The following HELZ2 variants were observed in gnomAD, a reference collection of about 807,000 sequenced individuals.
HELZ2 encodes 3'-5' exoribonuclease HELZ2.
In HELZ2, 143 loss-of-function variants were observed where a neutral mutation model predicts 208.8. That is an observed-to-expected ratio of 0.68 (90% CI 0.60 to 0.79). HELZ2 has a LOEUF of 0.79. Ranked by LOEUF, HELZ2 falls within the 30% of genes least tolerant of loss-of-function variation. HELZ2 has a pLI of 0.00. For missense variants in HELZ2, 3,690 were observed against 3,794.5 expected (o/e 0.97, Z 0.72); for synonymous variants, 1,705 against 1,693.7 (o/e 1.01, Z -0.16).
exon 11 of HELZ2, chr20:63,561,886 G>A (rs571265424): frequency 3.3e-5 from 52 of 1,575,566 alleles, no homozygotes; most frequent in South Asian, 1.9e-4. Flanking sequence ...CCCCCCAGCC[G>A]CTTCTCCCCA....
Position 63,570,529 on chromosome 20 carries a change from C to T in HELZ2, c.545G>A (p.Ser182Asn), listed in dbSNP as rs138005803. Residue 182 changes from serine (S) to asparagine (N), a missense_variant, in exon 3 of 19, where the codon AGC (serine) becomes AAC (asparagine). Physicochemically the swap from Ser to Asn is conservative, Grantham distance 46. Transcript: ENST00000467148. The stretch of plus-strand genomic sequence containing the variant: ...CTCAGAGTGGACGGCAAACGTCCAG[C>T]TGTACTGGGTCTTCCTCTCCTGGGC... The T allele has an allele frequency of 7.0e-5, 113 of 1,613,372 alleles. 1 individual carries two copies. In the African/African-American group the frequency reaches 1.1e-3, roughly 16 times the overall value.
At chr20:63,571,196 G>A in intron 1 of HELZ2, 1 of 311,530 alleles carries the variant, frequency 3.2e-6, no homozygotes, top group Non-Finnish European at 5.9e-6. Context: ...TCTGCCTACG[G>A]TGGGCTCCTG....
exon 8 of HELZ2, chr20:63,566,145 T>C: frequency 6.4e-7 from 1 of 1,564,920 alleles, no homozygotes; most frequent in Non-Finnish European, 8.6e-7. Context: ...CGGGCGTCGG[T>C]GAAGAACTCA....
intron 6 of HELZ2, 87 bp downstream of exon 7, chr20:63,566,757 G>T: frequency 7.7e-7 from 1 of 1,293,072 alleles, no homozygotes; most frequent in Non-Finnish European, 1.1e-6. Flanking sequence ...TGGGGAAACT[G>T]AGGCGGGGGC....
chr20:63,567,031 C>T lies in HELZ2; in HGVS notation c.2327G>A (p.Arg776Gln), dbSNP rs916922122. Residue 776 changes from arginine to glutamine, a missense_variant, in exon 6 of 19, where the codon CGG becomes CAG. By Grantham distance (43) the Arg-to-Gln change is conservative. Around this residue, in one of 3 missense-constraint regions of HELZ2, gnomAD observed 1,119 missense variants for 1,193.4 expected, o/e 0.94. Coordinates refer to ENST00000467148, the Ensembl canonical transcript of HELZ2. ...GTGGCAGAACATGAGCGGGTAGTGC[C>T]GGGGGTGGGGCGGAACCTTGCCCCT... The T allele has an allele frequency of 2.0e-5, 32 of 1,611,104 alleles. No homozygotes were observed. The highest frequency in any genetic ancestry group is 2.5e-5 in the Non-Finnish European group (30 of 1,179,378).
At chr20:63,563,065 G>C in exon 8 of HELZ2, 1 of 1,598,844 alleles carries the variant, frequency 6.3e-7, no homozygotes, top group East Asian at 2.3e-5. Flanking sequence ...AGCAGTCTCC[G>C]GGCCGCTCCA....
exon 4 of HELZ2, chr20:63,569,404 C>T (rs1357497393): frequency 6.2e-7 from 1 of 1,609,496 alleles, no homozygotes; most frequent in Non-Finnish European, 8.5e-7. Flanking sequence ...CTGCAGGGTC[C>T]TGGGCGACGC....
chr20:63,568,641 G>A lies in HELZ2; in HGVS notation c.1447C>T (p.Gln483Ter), dbSNP rs1307797557. 2 of 1,604,050 alleles carry A rather than the reference G, an allele frequency of 1.2e-6. No individual in the cohort carries two copies. The highest frequency in any genetic ancestry group is 1.7e-6 in the Non-Finnish European group (2 of 1,178,704). ...TCCTCAGGCAGTGTGTCCACTGCCT[G>A]GTGCCAGAGGCGGAAGGTCATCGGG... The change falls in exon 5 of 19, where the codon CAG becomes TAG. Residue 483 changes from glutamine (Q) to a stop codon, truncating the protein, a stop_gained. Transcript: ENST00000467148. LOFTEE classifies it high-confidence loss of function.
chr20:63,562,240 G>T (rs960041025), intron 9 of HELZ2, 37 bp from the exon 11 acceptor site: 11 of 1,606,286 alleles, frequency 6.8e-6, no homozygotes, highest in Non-Finnish European at 9.4e-6. Flanking sequence ...CTCATGCAGG[G>T]TGGGGCTGGG....
intron 6 of HELZ2, 106 bp from the exon 8 acceptor site, chr20:63,566,559 G>C (rs4552243): frequency 4.7e-6 from 1 of 211,438 alleles, no homozygotes; most frequent in Non-Finnish European, 7.7e-6. Context: ...AGCGCAGGAC[G>C]CAGTGAGGAC....
rs200878380 is a variant in HELZ2 at position 63,562,049 on chromosome 20, G to A, written c.6529+23C>T. ...GTCCCTGTGGCCCAAGGCAGCCTGC[G>A]GCTCCCCCGGCATGGGCCCTACCTG... is the stretch of plus-strand genomic sequence containing the variant. On this transcript the variant is annotated intron_variant, in intron 10 of 18. Transcript: ENST00000467148. The A allele has an allele frequency of 2.2e-3, 3,516 of 1,602,670 alleles. 13 individuals are homozygous for A. The highest frequency in any genetic ancestry group is 3.3e-3 in the Middle Eastern group (20 of 6,022).
chr20:63,560,429 G>A, intron 16 of HELZ2, 50 bp downstream of exon 17: 1 of 1,596,866 alleles, frequency 6.3e-7, no homozygotes, highest in Non-Finnish European at 8.5e-7. Flanking sequence ...CACCACCTCA[G>A]CCACCTCCTC....
chr20:63,559,389 G>A lies in HELZ2; in HGVS notation c.7826-19C>T, dbSNP rs1476722795. 1 of 1,582,478 alleles carries A rather than the reference G, an allele frequency of 6.3e-7. No homozygotes were observed. The highest frequency in any genetic ancestry group is 2.3e-5 in the East Asian group (1 of 44,164). ...TGGTCTCCTGTGAGGGTGGGAGTCA[G>A]ATGGGAGTCAGTCAGGGTCAGGTGG... is the stretch of plus-strand genomic sequence containing the variant. On this transcript the variant is annotated intron_variant, in intron 18 of 18. Transcript: ENST00000467148.
exon 8 of HELZ2, chr20:63,566,008 C>T (rs773623489): frequency 2.5e-6 from 4 of 1,596,252 alleles, no homozygotes; most frequent in Admixed American, 3.4e-5. Context: ...AGACACTGTG[C>T]CGCTCCACGC....
At chr20:63,564,118 C>T in exon 8 of HELZ2, 1 of 1,611,176 alleles carries the variant, frequency 6.2e-7, no homozygotes, top group Non-Finnish European at 8.5e-7. Flanking sequence ...CCCCATGCTT[C>T]TCACACAGGG....
rs1428573716 is a variant in HELZ2 at position 63,564,497 on chromosome 20, C to G, written c.4325G>C (p.Ser1442Thr). 6.3e-7 allele frequency: 1 copy of G among 1,587,870 alleles called. No homozygotes were observed. The highest frequency in any genetic ancestry group is 1.8e-5 in the Admixed American group (1 of 56,638). The change falls in exon 8 of 19, where the codon AGC becomes ACC. Residue 1442 changes from serine to threonine, a missense_variant. By Grantham distance (58) the Ser-to-Thr change is moderately conservative. Transcript: ENST00000467148. ...GACCACGGAGGGTGCAAAGCGCAGG[C>G]TCTTCAGCTGGCCACTGGCCTTCTC...
chr20:63,564,306 A>G, exon 8 of HELZ2: 2 of 1,604,158 alleles, frequency 1.2e-6, no homozygotes, highest in South Asian at 1.1e-5. Context: ...TGCTCATAGA[A>G]GCAGTCGGAC....
At chr20:63,565,938 G>C in exon 8 of HELZ2, 1 of 1,598,750 alleles carries the variant, frequency 6.3e-7, no homozygotes, top group Non-Finnish European at 8.5e-7. Flanking sequence ...CCTCGGGGAG[G>C]CCAGCGCCGT....
At chr20:63,564,592 G>T in exon 8 of HELZ2, 1 of 1,566,628 alleles carries the variant, frequency 6.4e-7, no homozygotes, top group Non-Finnish European at 8.6e-7. Context: ...CCTGGCAGAG[G>T]CTGGCCGGCA....
Sources: allele counts gnomAD v4.1 joint callset, GRCh38; gene constraint gnomAD v4.1.1; regional missense constraint gnomAD v4.1.1; transcripts MANE v1.5; gene names NCBI Gene and HGNC (gene_info 2026-07-23, HGNC 2026-07-21).